Variants in PTPN13 observed in about 807,000 individuals in gnomAD.
PTPN13 encodes the protein tyrosine-protein phosphatase non-receptor type 13.
A neutral mutation model predicts 284.0 loss-of-function variants in PTPN13; 191 were observed. That is an observed-to-expected ratio of 0.67 (90% CI 0.60 to 0.76). The LOEUF (loss-of-function observed/expected upper bound fraction) is 0.76, where lower values mean the gene tolerates loss of function less well. Among genes scored for constraint, PTPN13 ranks in the 30% least tolerant of loss-of-function variants. The pLI, the probability that PTPN13 is intolerant of heterozygous loss-of-function variation, is 0.00. For synonymous variants in PTPN13, 986 were observed against 1,022.3 expected (o/e 0.96, Z 0.68); for missense variants, 2,797 against 2,939.9 (o/e 0.95, Z 1.12).
intron 40 of PTPN13, 107 bp from the exon 41 acceptor site, chr4:86,796,767 G>T: frequency 1.4e-6 from 1 of 710,562 alleles, no homozygotes; most frequent in Non-Finnish European, 2.4e-6. Context: ...TGTAATATAA[G>T]GATGAACAAT....
At chr4:86,716,690 T>C in intron 8 of PTPN13, 65 bp downstream of exon 8, 1 of 1,112,336 alleles carries the variant, frequency 9.0e-7, no homozygotes, top group Non-Finnish European at 1.3e-6. Context: ...TTTTCAATAG[T>C]GTTCAAATAT....
At chr4:86,766,621 A>G (rs1393302580) in intron 27 of PTPN13, 104 bp downstream of exon 27, 22 of 796,380 alleles carry the variant, frequency 2.8e-5, no homozygotes, top group Non-Finnish European at 3.9e-5. Flanking sequence ...CAGCTAATCA[A>G]GAAACCAAGC....
intron 41 of PTPN13, among the ~76,000 whole-genome samples, chr4:86,798,496 C>T (rs1190554677): frequency 6.6e-6 from 1 of 152,198 alleles, no homozygotes; most frequent in East Asian, 1.9e-4. Flanking sequence ...CAGGCTTTTA[C>T]GTAATCCTTT....
chr4:86,661,445 G>A (rs184931218), intron 2 of PTPN13, among the ~76,000 whole-genome samples: 64 of 152,240 alleles, frequency 4.2e-4, no homozygotes, highest in African/African-American at 1.4e-3. Flanking sequence ...GTCAGTCATA[G>A]TTAGCATTTT....
rs6148556 is a variant in PTPN13, at chr4:86,761,139, AATATAT to A, written c.3554-1562_3554-1557del. Among the ~76,000 whole-genome samples, 430 of 120,660 alleles carry A rather than the reference AATATAT, an allele frequency of 3.6e-3. 1 individual carries two copies. The highest frequency in any genetic ancestry group is 9.5e-3 in the African/African-American group (300 of 31,690). 79.2% of individuals were successfully genotyped at this position (120,660 alleles called of 152,430 possible). A position where few individuals can be genotyped will look rare whatever the true frequency, so the allele number is the denominator to read the frequency against. ...TATATGTGATGTGTGTGTGTGTGTA[AATATAT>A]ATATATATATATATATATATATATA... On this transcript the variant is annotated intron_variant, in intron 23 of 47. Coordinates refer to ENST00000411767, the MANE Select transcript of PTPN13 (RefSeq NM_080683.3).
In PTPN13 at chr4:86,666,611, T is replaced by G. The variant is rs137885373; in HGVS notation, c.116-5754T>G. 8.8e-3 allele frequency among the ~76,000 whole-genome samples: 1,338 copies of G among 152,366 alleles called. 6 individuals carry two copies. Among genetic ancestry groups the G allele is most frequent in the Non-Finnish European group, 0.013 (909 of 68,032 alleles). Reference sequence around the variant, plus strand: ...GTGAAAACAGGGTTACAAAAACATTTTCTTTTTTTCTAGAGAGAGAGAAGA... The same window carrying G: ...GTGAAAACAGGGTTACAAAAACATTGTCTTTTTTTCTAGAGAGAGAGAAGA... On this transcript the variant is annotated intron_variant, in intron 2 of 47. Coordinates refer to ENST00000411767, the MANE Select transcript of PTPN13 (RefSeq NM_080683.3).
intron 3 of PTPN13, among the ~76,000 whole-genome samples, chr4:86,672,966 A>G (rs1727875099): frequency 6.6e-6 from 1 of 152,160 alleles, no homozygotes; most frequent in South Asian, 2.1e-4. Flanking sequence ...TTAGCAAGAA[A>G]CTGTTCCACT....
intron 40 of PTPN13, among the ~76,000 whole-genome samples, chr4:86,792,779 A>T (rs1742837063): frequency 6.6e-6 from 1 of 152,224 alleles, no homozygotes; most frequent in Non-Finnish European, 1.5e-5. Flanking sequence ...AGTGAAGGAG[A>T]AATAAAATCC....
At chr4:86,769,723 C>A in intron 28 of PTPN13, 46 bp from the exon 29 acceptor site, 2 of 1,244,946 alleles carry the variant, frequency 1.6e-6, no homozygotes, top group Non-Finnish European at 1.1e-6. Flanking sequence ...TATGTAAACA[C>A]AGCATGTTAA....
At chr4:86,625,999 C>T (rs371598330) in intron 1 of PTPN13, among the ~76,000 whole-genome samples, 15 of 152,180 alleles carry the variant, frequency 9.9e-5, no homozygotes, top group East Asian at 5.8e-4. Flanking sequence ...CTGTAGGTAG[C>T]GAGGAAAGGT....
chr4:86,627,002 A>G (rs970099968), intron 1 of PTPN13, among the ~76,000 whole-genome samples: 2 of 152,172 alleles, frequency 1.3e-5, no homozygotes, highest in Non-Finnish European at 2.9e-5. Flanking sequence ...TGGTATATAC[A>G]TATATGGTAA....
chr4:86,798,090 G>A (rs956680341), intron 41 of PTPN13, among the ~76,000 whole-genome samples: 5 of 152,124 alleles, frequency 3.3e-5, no homozygotes, highest in African/African-American at 1.2e-4. Context: ...GAAGAAAAAT[G>A]CATGCCCTTT....
At chr4:86,802,594 G>A (rs1258326730) in intron 42 of PTPN13, among the ~76,000 whole-genome samples, 1 of 152,176 alleles carries the variant, frequency 6.6e-6, no homozygotes, top group South Asian at 2.1e-4. Flanking sequence ...GTGTGGGAGT[G>A]TGCTAGGGCT....
chr4:86,606,158 C>T (rs1764721959), intron 1 of PTPN13, among the ~76,000 whole-genome samples: 1 of 151,768 alleles, frequency 6.6e-6, no homozygotes, highest in Admixed American at 6.6e-5. Flanking sequence ...CTCTATCTGC[C>T]ACTTTTTTAG....
chr4:86,676,229 A>G (rs1728259274), intron 3 of PTPN13, among the ~76,000 whole-genome samples: 2 of 152,206 alleles, frequency 1.3e-5, no homozygotes, highest in South Asian at 2.1e-4. Flanking sequence ...TGAAGAAGAA[A>G]TTCTAGGATT....
In PTPN13 at chr4:86,732,737, A is replaced by G. The variant is rs1423365246; in HGVS notation, c.1829A>G (p.His610Arg). 1 of 1,613,230 alleles carries G rather than the reference A, an allele frequency of 6.2e-7. No individual in the cohort carries two copies. Among genetic ancestry groups the G allele is most frequent in the East Asian group, 2.2e-5 (1 of 44,798 alleles). The stretch of plus-strand genomic sequence containing the variant: ...GTGGCACATATTGGCTTAGTAGAGC[A>G]TCATTTGTTTGCTTTAGCTACCCTC... The part of the protein sequence containing the change: ...MVVAHIGLVE[H>R]HLFALATLKD... Residue 610 changes from histidine (H) to arginine (R), a missense_variant, in exon 12 of 48, where the codon CAT (histidine) becomes CGT (arginine). Transcript: ENST00000411767.
chr4:86,722,948 AG>A (rs1215134578), intron 10 of PTPN13, among the ~76,000 whole-genome samples: 1 of 152,196 alleles, frequency 6.6e-6, no homozygotes, highest in African/African-American at 2.4e-5. Context: ...CAGTATCCAA[AG>A]ACAGGAAGGA....
chr4:86,790,484 T>C (rs749239005), intron 40 of PTPN13, among the ~76,000 whole-genome samples: 2 of 152,114 alleles, frequency 1.3e-5, no homozygotes, highest in African/African-American at 4.8e-5. Flanking sequence ...CAAATAGATA[T>C]GTAATTACAA....
chr4:86,805,248 C>T lies in PTPN13; in HGVS notation c.6655-31C>T, dbSNP rs200738839. 886 of 1,440,976 alleles carry T rather than the reference C, an allele frequency of 6.1e-4. 3 individuals carry two copies. The Middle Eastern group carries it at 6.4e-3, about 10-fold the overall frequency. The allele number at this position is 1,440,976 out of a possible 1,614,324, so 89.3% of individuals were successfully genotyped here. On this transcript the variant is annotated intron_variant, in intron 43 of 47. Transcript: ENST00000411767. Reference sequence around the variant, plus strand: ...GTTATTACTGAATTACTGCTTATCTCAACAAATTTATTTCCATGTTTTGCT... The same window carrying T: ...GTTATTACTGAATTACTGCTTATCTTAACAAATTTATTTCCATGTTTTGCT...
Sources: gnomAD v4.1 joint callset for allele counts (sites outside exome capture counted in the v4.1 genomes callset) on GRCh38, gnomAD v4.1.1 for gene constraint, MANE v1.5 for transcripts, NCBI Gene and HGNC (gene_info 2026-07-23, HGNC 2026-07-21) for gene names.